Variants in TMX3 observed in about 807,000 individuals in gnomAD.
TMX3 encodes thioredoxin related transmembrane protein 3.
In TMX3, 40 loss-of-function variants were observed where a neutral mutation model predicts 64.4. The ratio of observed to expected loss-of-function variants is 0.62; its 90% CI spans 0.48 to 0.81. TMX3 has a LOEUF of 0.81. Among genes scored for constraint, TMX3 ranks in the 30% least tolerant of loss-of-function variants. TMX3 has a pLI of 0.00. For missense variants in TMX3, 497 were observed against 534.5 expected (o/e 0.93, Z 0.69); for synonymous variants, 189 against 175.7 (o/e 1.08, Z -0.60).
Position 68,714,986 on chromosome 18 carries a change from G to A in TMX3, c.-5C>T. The A allele has an allele frequency of 3.8e-6, 6 of 1,569,668 alleles. No homozygotes were observed. The highest frequency in any genetic ancestry group is 5.2e-6 in the Non-Finnish European group (6 of 1,158,020). On this transcript the variant is annotated 5_prime_UTR_variant, in exon 1 of 16. Coordinates refer to ENST00000299608, the MANE Select transcript of TMX3 (RefSeq NM_019022.5). ...CCAACTCTTCCACGCTGCCATGCTA[G>A]CCCGGGAGAGCTGCAGAAGCTGACT...
At chr18:68,713,975 G>C in intron 1 of TMX3, 75 bp from the exon 2 acceptor site, 1 of 1,096,220 alleles carries the variant, frequency 9.1e-7, no homozygotes, top group Admixed American at 2.5e-5. Flanking sequence ...AGTCATCTCT[G>C]AAGTGTTTTT....
chr18:68,712,622 G>A lies in TMX3; in HGVS notation c.102-1219C>T, dbSNP rs114956403. ...ACATGGGTAACAAAATGGTTATTAGGAGCAGAATCCCTTCCTCCTCCTCAG... is the reference window on the plus strand; with the variant it reads ...ACATGGGTAACAAAATGGTTATTAGAAGCAGAATCCCTTCCTCCTCCTCAG... On this transcript the variant is annotated intron_variant, in intron 2 of 15. Transcript: ENST00000299608. 8.4e-3 allele frequency among the ~76,000 whole-genome samples: 1,284 copies of A among 152,190 alleles called. 20 individuals are homozygous for A. Among genetic ancestry groups the A allele is most frequent in the African/African-American group, 0.028 (1,176 of 41,512 alleles).
chr18:68,692,244 C>T (rs1464688629), intron 8 of TMX3, among the ~76,000 whole-genome samples: 3 of 152,202 alleles, frequency 2.0e-5, no homozygotes, highest in African/African-American at 4.8e-5. Context: ...CACACAGATG[C>T]TTGGGAAGTA....
At chr18:68,687,261 C>T (rs1405813204) in intron 10 of TMX3, 1 of 985,222 alleles carries the variant, frequency 1.0e-6, no homozygotes, top group Admixed American at 6.2e-5. Flanking sequence ...AACAGCGTAA[C>T]TTGAAGAAAC....
In TMX3 at chr18:68,710,127, A is replaced by C; in HGVS notation, c.159T>G (p.Cys53Trp). The stretch of plus-strand genomic sequence containing the variant: ...TTGGTTCCAGCTTTTTACAATGGCC[A>C]CACCATGGCGCATAAAACTTGTTTT... Reference protein sequence around the residue: ...IWLVDFYAPWCGHCKKLEPIW... With the variant: ...IWLVDFYAPWWGHCKKLEPIW... The change falls in exon 4 of 16, where the codon TGT becomes TGG. Residue 53 changes from cysteine (C) to tryptophan (W), a missense_variant. Physicochemically the swap from Cys to Trp is radical, Grantham distance 215 (BLOSUM62 -2). Transcript: ENST00000299608. 1.3e-6 allele frequency: 2 copies of C among 1,574,566 alleles called. No homozygotes were observed. Among genetic ancestry groups the C allele is most frequent in the Non-Finnish European group, 1.7e-6 (2 of 1,164,436 alleles).
intron 13 of TMX3, 64 bp downstream of exon 13, chr18:68,682,861 T>C: frequency 6.9e-7 from 1 of 1,442,372 alleles, no homozygotes; most frequent in East Asian, 2.3e-5. Flanking sequence ...CTTCTACCTG[T>C]ATCTCAGAAA....
intron 14 of TMX3, 109 bp downstream of exon 14, chr18:68,680,872 C>T (rs529093055): frequency 2.7e-6 from 3 of 1,127,492 alleles, no homozygotes; most frequent in South Asian, 4.2e-5. Flanking sequence ...CAGCCCTCTA[C>T]TCCGGGTGAT....
rs965694112 is a variant in TMX3 at position 68,674,736 on chromosome 18, GA to G, written c.*2196del. 5.3e-5 allele frequency: 8 copies of G among 151,736 alleles called. No homozygotes were observed. Among genetic ancestry groups the G allele is most frequent in the Admixed American group, 2.6e-4 (4 of 15,242 alleles). The allele number at this position is 151,736 out of a possible 1,614,324, so 9.4% of individuals were successfully genotyped here. On this transcript the variant is annotated 3_prime_UTR_variant, in exon 16 of 16. Coordinates refer to ENST00000299608, the MANE Select transcript of TMX3 (RefSeq NM_019022.5). Reference sequence around the variant, plus strand: ...GTAAATAAACATCTCCCAAAGTAGAGAAAAAAACAAAATTTTAATACAAGAA... The same window carrying G: ...GTAAATAAACATCTCCCAAAGTAGAGAAAAAACAAAATTTTAATACAAGAA...
chr18:68,704,384 C>T (rs569256531), intron 4 of TMX3, among the ~76,000 whole-genome samples: 2 of 151,836 alleles, frequency 1.3e-5, no homozygotes, highest in East Asian at 3.9e-4. Context: ...TTCGGTAACT[C>T]GTTTGAGAGC....
At chr18:68,682,440 C>A (rs1217189093) in intron 13 of TMX3, among the ~76,000 whole-genome samples, 1 of 152,012 alleles carries the variant, frequency 6.6e-6, no homozygotes, top group Non-Finnish European at 1.5e-5. Context: ...TAGAACAATT[C>A]GTTTTTGAAT....
At chr18:68,700,687 T>C in intron 5 of TMX3, 1 of 943,546 alleles carries the variant, frequency 1.1e-6, no homozygotes, top group Non-Finnish European at 1.3e-6. Context: ...GGCTGTATTC[T>C]ATTAAAATTA....
chr18:68,713,070 C>T (rs992164463), intron 2 of TMX3, among the ~76,000 whole-genome samples: 5 of 151,508 alleles, frequency 3.3e-5, no homozygotes, highest in African/African-American at 9.7e-5. Context: ...GAAACAGCAC[C>T]AGGTGAGTCA....
chr18:68,678,859 T>A (rs1913168166), intron 15 of TMX3, among the ~76,000 whole-genome samples: 1 of 151,448 alleles, frequency 6.6e-6, no homozygotes, highest in Non-Finnish European at 1.5e-5. Flanking sequence ...TTAGAAAGGA[T>A]TTGATCCATC....
At chr18:68,709,423 G>C (rs1051884548) in intron 4 of TMX3, among the ~76,000 whole-genome samples, 1 of 152,088 alleles carries the variant, frequency 6.6e-6, no homozygotes, top group Non-Finnish European at 1.5e-5. Flanking sequence ...TGGAGGCACA[G>C]AAACAGCCAT....
intron 2 of TMX3, among the ~76,000 whole-genome samples, chr18:68,711,702 C>T (rs1194906738): frequency 6.6e-6 from 1 of 152,134 alleles, no homozygotes; most frequent in African/African-American, 2.4e-5. Flanking sequence ...CATTTTACAC[C>T]TGTTTAGAAA....
chr18:68,701,832 A>G (rs549879857), intron 4 of TMX3, 42 bp from the exon 5 acceptor site: 606 of 1,552,746 alleles, frequency 3.9e-4, no homozygotes, highest in Non-Finnish European at 5.1e-4. Flanking sequence ...TTTTTTTTAA[A>G]TATGAGAAAC....
intron 13 of TMX3, 125 bp from the exon 14 acceptor site, chr18:68,681,235 G>T: frequency 1.1e-6 from 1 of 877,430 alleles, no homozygotes; most frequent in Non-Finnish European, 1.5e-6. Context: ...ATATTTTATG[G>T]TAGAAAATGA....
chr18:68,688,399 TCTG>T (rs1472264457), intron 9 of TMX3: 3 of 152,190 alleles, frequency 2.0e-5, no homozygotes, highest in Non-Finnish European at 4.4e-5. Context: ...AAATAATTCC[TCTG>T]CTAAGCAGAT....
chr18:68,698,696 C>T (rs1366451313), intron 6 of TMX3, among the ~76,000 whole-genome samples: 5 of 151,964 alleles, frequency 3.3e-5, no homozygotes, highest in Admixed American at 1.3e-4. Flanking sequence ...GGTTATTAAG[C>T]GTGTCAATTA....
Sources: gnomAD v4.1 joint callset for allele counts (sites outside exome capture counted in the v4.1 genomes callset) on GRCh38, gnomAD v4.1.1 for gene constraint, MANE v1.5 for transcripts, NCBI Gene and HGNC (gene_info 2026-07-23, HGNC 2026-07-21) for gene names.